The following HECTD4 variants were observed in gnomAD, a reference collection of about 807,000 sequenced individuals.
HECTD4 encodes the protein HECT domain E3 ubiquitin protein ligase 4.
Under a neutral mutation model 471.5 loss-of-function variants are expected in HECTD4, and 114 were observed. The observed-to-expected ratio is 0.24, with a 90% CI of 0.21 to 0.28. HECTD4 has a LOEUF of 0.28. Among genes scored for constraint, HECTD4 ranks in the 10% least tolerant of loss-of-function variants. The pLI is 1.00. For synonymous variants in HECTD4, 2,012 were observed against 2,256.0 expected (o/e 0.89, Z 3.07); for missense variants, 3,866 against 5,651.5 (o/e 0.68, Z 10.13).
At chr12:112,199,095 TGCTGTGGGACATTTCTCCTTCAC>T (rs2032336326) in intron 55 of HECTD4, among the ~76,000 whole-genome samples, 2 of 152,328 alleles carry the variant, frequency 1.3e-5, no homozygotes, top group South Asian at 4.2e-4. Context: ...GCAGGAGCCC[TGCTGTGGGACATTTCTCCTTCAC>T]ACCTGAGTTG....
intron 25 of HECTD4, chr12:112,249,515 T>C (rs1309736264): frequency 6.5e-6 from 1 of 154,026 alleles, no homozygotes; most frequent in Non-Finnish European, 1.4e-5. Context: ...TCAGTACATA[T>C]GGATGTTGGG....
At position 112,163,578 on chromosome 12, in the gene HECTD4, G is replaced by A. The variant is rs1419213639; in HGVS notation, c.12861C>T (p.Thr4287=). Residue 4287 remains threonine, a synonymous_variant, in exon 74 of 76, where the codon ACC becomes ACT. Coordinates refer to ENST00000682272, the MANE Select transcript of HECTD4 (RefSeq NM_001388303.1). The surrounding 1 kb of genome is among the most constrained non-coding windows in gnomAD (Gnocchi z 8.2). Reference sequence around the variant, plus strand: ...CGAGGTTGATGTAGGGGAGGCCGCAGGTGCGCAGCTCCATCTCCAGTGGGC... The same window carrying A: ...CGAGGTTGATGTAGGGGAGGCCGCAAGTGCGCAGCTCCATCTCCAGTGGGC... ...MLSPLEMELR[T]CGLPYINLEF... is the part of the protein sequence containing the mutation. The A allele has an allele frequency of 6.6e-7, 1 of 1,505,068 alleles. No homozygotes were observed. The highest frequency in any genetic ancestry group is 2.3e-5 in the Admixed American group (1 of 43,002). The allele number at this position is 1,505,068 out of a possible 1,614,324, so 93.2% of individuals were successfully genotyped here.
At chr12:112,286,491 T>C (rs542213038) in intron 7 of HECTD4, among the ~76,000 whole-genome samples, 7 of 152,094 alleles carry the variant, frequency 4.6e-5, no homozygotes, top group Admixed American at 6.5e-5. Flanking sequence ...CTGGGCAACA[T>C]AGTTTGAGAC....
At chr12:112,287,525 T>C (rs2034777937) in intron 7 of HECTD4, among the ~76,000 whole-genome samples, 1 of 152,068 alleles carries the variant, frequency 6.6e-6, no homozygotes, top group East Asian at 1.9e-4. Context: ...TTGTCACTAA[T>C]AAAATTTTAA....
At chr12:112,288,314 G>A (rs1422854797) in intron 7 of HECTD4, among the ~76,000 whole-genome samples, 1 of 114,214 alleles carries the variant, frequency 8.8e-6, no homozygotes, top group Admixed American at 1.0e-4. Flanking sequence ...GCAAGACTCT[G>A]TCTCAAAAAA....
intron 1 of HECTD4, among the ~76,000 whole-genome samples, chr12:112,371,904 A>AG (rs1427019597): frequency 1.3e-5 from 2 of 150,724 alleles, no homozygotes; most frequent in East Asian, 1.9e-4. Flanking sequence ...AAAAAAAAAA[A>AG]AAAGAAAAAA....
intron 47 of HECTD4, 42 bp downstream of exon 47, chr12:112,216,731 G>A: frequency 6.3e-7 from 1 of 1,599,472 alleles, no homozygotes; most frequent in African/African-American, 1.3e-5. Context: ...CCTTGTGGGA[G>A]GCTACTGCTC....
chr12:112,313,243 A>G, intron 3 of HECTD4, 96 bp from the exon 4 acceptor site: 1 of 843,690 alleles, frequency 1.2e-6, no homozygotes, highest in Non-Finnish European at 1.7e-6. Context: ...CCAAAATTTT[A>G]AAACTAAGAT....
intron 2 of HECTD4, among the ~76,000 whole-genome samples, chr12:112,315,975 G>A (rs1165622993): frequency 6.6e-6 from 1 of 151,306 alleles, no homozygotes; most frequent in African/African-American, 2.4e-5. Context: ...GGCCTCAAGA[G>A]ATGCTCCTGC....
chr12:112,379,817 T>C (rs1298649273), intron 1 of HECTD4, among the ~76,000 whole-genome samples: 1 of 151,826 alleles, frequency 6.6e-6, no homozygotes, highest in Admixed American at 6.6e-5. Context: ...CCATGGAGCC[T>C]GTATAACATG....
At chr12:112,314,755 C>A (rs1027885957) in intron 2 of HECTD4, among the ~76,000 whole-genome samples, 8 of 152,160 alleles carry the variant, frequency 5.3e-5, no homozygotes, top group African/African-American at 1.9e-4. Flanking sequence ...CAACACCATG[C>A]CAATTATGAA....
At chr12:112,328,447 C>T (rs2035789756) in intron 1 of HECTD4, among the ~76,000 whole-genome samples, 1 of 152,120 alleles carries the variant, frequency 6.6e-6, no homozygotes, top group African/African-American at 2.4e-5. Flanking sequence ...CAATACAAAA[C>T]TTTTAAGTAA....
chr12:112,297,219 T>A lies in HECTD4; in HGVS notation c.1335+8845A>T, dbSNP rs547914191. Among the ~76,000 whole-genome samples the A allele has an allele frequency of 1.5e-4, 20 of 135,388 alleles. No individual in the cohort carries two copies. In the South Asian group the frequency reaches 4.5e-3, roughly 30 times the overall value. 88.8% of individuals were successfully genotyped at this position (135,388 alleles called of 152,430 possible). Reference sequence around the variant, plus strand: ...GTAGGTGCAGAGGGTGTAGATGCAGTGGATGTAGGTGCAGAGGATGTAAGT... The same window carrying A: ...GTAGGTGCAGAGGGTGTAGATGCAGAGGATGTAGGTGCAGAGGATGTAAGT... On this transcript the variant is annotated intron_variant, in intron 7 of 75. Coordinates refer to ENST00000682272, the MANE Select transcript of HECTD4 (RefSeq NM_001388303.1).
chr12:112,379,735 A>G (rs2036855157), intron 1 of HECTD4, among the ~76,000 whole-genome samples: 1 of 150,774 alleles, frequency 6.6e-6, no homozygotes, highest in Non-Finnish European at 1.5e-5. Context: ...ATATATATAT[A>G]TGTGAATACA....
At chr12:112,318,182 T>C (rs2035520871) in intron 2 of HECTD4, among the ~76,000 whole-genome samples, 1 of 151,530 alleles carries the variant, frequency 6.6e-6, no homozygotes, top group South Asian at 2.1e-4. Context: ...GGAGAATCAC[T>C]TGAATCCGGG....
intron 41 of HECTD4, 111 bp downstream of exon 41, chr12:112,229,587 G>GT (rs2033323179): frequency 1.9e-5 from 21 of 1,124,746 alleles, no homozygotes; most frequent in South Asian, 1.1e-4. Flanking sequence ...GAAGAAACAG[G>GT]TTTTTTTGTA....
At chr12:112,248,761 AT>A (rs1389237085) in intron 25 of HECTD4, among the ~76,000 whole-genome samples, 1 of 151,876 alleles carries the variant, frequency 6.6e-6, no homozygotes, top group Non-Finnish European at 1.5e-5. Context: ...AAGAAAAAAA[AT>A]TTTAGGGTGG....
At chr12:112,338,532 A>T (rs1449137059) in intron 1 of HECTD4, among the ~76,000 whole-genome samples, 1 of 152,186 alleles carries the variant, frequency 6.6e-6, no homozygotes, top group Admixed American at 6.6e-5. Context: ...GAGGCAGAGA[A>T]TCGCTTGAAC....
Position 112,367,672 on chromosome 12 carries a change from T to G in HECTD4, c.177+14280A>C, listed in dbSNP as rs1011123799. ...CCATCTCTAATAAAAATACAAAAAT[T>G]TAGCTGGGTGTGGTGGCATGCACCT... On this transcript the variant is annotated intron_variant, in intron 1 of 75. Transcript: ENST00000682272. 2.6e-5 allele frequency among the ~76,000 whole-genome samples: 4 copies of G among 151,240 alleles called. No individual in the cohort carries two copies. The South Asian group carries it at 8.4e-4, about 32-fold the overall frequency.
Sources: allele counts gnomAD v4.1 joint callset (sites outside exome capture counted in the v4.1 genomes callset), GRCh38; gene constraint gnomAD v4.1.1; non-coding constraint Gnocchi (gnomAD v3.1); transcripts MANE v1.5; gene names NCBI Gene and HGNC (gene_info 2026-07-23, HGNC 2026-07-21).